ANKS6: variants seen among roughly 807,000 people sequenced by gnomAD.
The protein encoded by ANKS6 is ankyrin repeat and sterile alpha motif domain containing 6.
A neutral mutation model predicts 77.9 loss-of-function variants in ANKS6; 47 were observed. The observed-to-expected ratio is 0.60, with a 90% CI of 0.48 to 0.77. The LOEUF (loss-of-function observed/expected upper bound fraction) is 0.77. Among genes scored for constraint, ANKS6 ranks in the 30% least tolerant of loss-of-function variants. The pLI, the probability that ANKS6 is intolerant of heterozygous loss-of-function variation, is 0.00. For synonymous variants in ANKS6, 488 were observed against 501.7 expected (o/e 0.97, Z 0.37); for missense variants, 1,150 against 1,159.1 (o/e 0.99, Z 0.11).
chr9:98,765,848 C>A (rs1412910127), intron 11 of ANKS6, among the ~76,000 whole-genome samples: 3 of 152,128 alleles, frequency 2.0e-5, no homozygotes, highest in Non-Finnish European at 4.4e-5. Context: ...AGTACAAAAA[C>A]CAGATTGAGG....
rs913287459 is a variant in ANKS6 at position 98,791,301 on chromosome 9, A to C, written c.360-695T>G. 6.6e-6 allele frequency among the ~76,000 whole-genome samples: 1 copy of C among 152,228 alleles called. No homozygotes were observed. The highest frequency in any genetic ancestry group is 1.5e-5 in the Non-Finnish European group (1 of 68,034). ...CAAGAGGTGTGGCAAGGTTGTGGTCAGCAGATAGGCTGGGCATTGCGGCCT... is the reference window on the plus strand; with the variant it reads ...CAAGAGGTGTGGCAAGGTTGTGGTCCGCAGATAGGCTGGGCATTGCGGCCT... On this transcript the variant is annotated intron_variant, in intron 1 of 14. Coordinates refer to ENST00000353234, the MANE Select transcript of ANKS6 (RefSeq NM_173551.5). The surrounding 1 kb of genome is among the most constrained non-coding windows in gnomAD (Gnocchi z 4.3).
rs1016787862 is a variant in ANKS6, at chr9:98,734,048, A to G, written c.*2471T>C. 2.9e-5 allele frequency: 29 copies of G among 985,414 alleles called. No homozygotes were observed. The Admixed American group carries it at 1.0e-3, about 35-fold the overall frequency. 61.0% of individuals were successfully genotyped at this position (985,414 alleles called of 1,614,324 possible). On this transcript the variant is annotated 3_prime_UTR_variant, in exon 15 of 15. Transcript: ENST00000353234. ...ACTGACCCCTCCTCCCTGACGATCTATAACCTACATGTTCCGTGCTGCCTC... is the reference window on the plus strand; with the variant it reads ...ACTGACCCCTCCTCCCTGACGATCTGTAACCTACATGTTCCGTGCTGCCTC...
chr9:98,790,756 G>T, intron 1 of ANKS6, 150 bp from the exon 2 acceptor site: 2 of 1,097,124 alleles, frequency 1.8e-6, no homozygotes, highest in Non-Finnish European at 2.6e-6. Flanking sequence ...CAGCCACATG[G>T]ATGCAGATGC....
intron 1 of ANKS6, among the ~76,000 whole-genome samples, 167 bp from the exon 2 acceptor site, chr9:98,790,773 A>G (rs2118179151): frequency 6.6e-6 from 1 of 152,370 alleles, no homozygotes; most frequent in East Asian, 1.9e-4. Flanking sequence ...ATGCATCATC[A>G]TGAAGGTGAG....
intron 12 of ANKS6, among the ~76,000 whole-genome samples, chr9:98,752,850 A>G (rs998006404): frequency 6.6e-6 from 1 of 152,210 alleles, no homozygotes; most frequent in Non-Finnish European, 1.5e-5. Context: ...ATGTGGGGAC[A>G]GAGAGAACAG....
At chr9:98,741,670 T>C (rs535892533) in intron 14 of ANKS6, among the ~76,000 whole-genome samples, 2 of 152,286 alleles carry the variant, frequency 1.3e-5, no homozygotes, top group South Asian at 2.1e-4. Flanking sequence ...CTCCAATATA[T>C]AACTCATCCG....
chr9:98,756,710 AT>A lies in ANKS6; in HGVS notation c.2143-108del, dbSNP rs937756780. ...CATGGGTGGTATTTGATTCAACATGATGTTTAACCAAGACTATGAAATCTAC... is the reference window on the plus strand; with the variant it reads ...CATGGGTGGTATTTGATTCAACATGAGTTTAACCAAGACTATGAAATCTAC... On this transcript the variant is annotated intron_variant, in intron 11 of 14. Transcript: ENST00000353234. 1.4e-5 allele frequency: 13 copies of A among 926,792 alleles called. No individual in the cohort carries two copies. The South Asian group carries it at 3.3e-4, about 23-fold the overall frequency. The allele number at this position is 926,792 out of a possible 1,614,324, so 57.4% of individuals were successfully genotyped here.
At chr9:98,757,574 A>G (rs867361672) in intron 11 of ANKS6, among the ~76,000 whole-genome samples, 3 of 152,180 alleles carry the variant, frequency 2.0e-5, no homozygotes, top group African/African-American at 4.8e-5. Flanking sequence ...GGTAACCTTC[A>G]TCACTTACAT....
intron 12 of ANKS6, 75 bp downstream of exon 12, chr9:98,756,345 C>A: frequency 6.6e-7 from 1 of 1,507,766 alleles, no homozygotes; most frequent in South Asian, 1.3e-5. Context: ...CAATTAAGGT[C>A]ACCTTGCAGT....
In ANKS6 at chr9:98,756,395, G is replaced by T. The variant is rs692824; in HGVS notation, c.2326+25C>A. The T allele has an allele frequency of 0.039, 62,990 of 1,605,144 alleles. 3,354 individuals carry two copies. Among genetic ancestry groups the T allele is most frequent in the East Asian group, 0.26 (11,487 of 44,376 alleles). On this transcript the variant is annotated intron_variant, in intron 12 of 14. Transcript: ENST00000353234. Reference sequence around the variant, plus strand: ...TCATCATGGTGAGAGGAATAGGTGGGGTTTCAGGCCCTCAGGGGACTCACC... The same window carrying T: ...TCATCATGGTGAGAGGAATAGGTGGTGTTTCAGGCCCTCAGGGGACTCACC...
intron 1 of ANKS6, among the ~76,000 whole-genome samples, chr9:98,790,905 C>T (rs1312290852): frequency 6.6e-6 from 1 of 152,190 alleles, no homozygotes; most frequent in African/African-American, 2.4e-5. Flanking sequence ...ATAACTGTAC[C>T]TACTTCAAGG....
At chr9:98,792,488 C>A (rs1834955063) in intron 1 of ANKS6, among the ~76,000 whole-genome samples, 2 of 152,090 alleles carry the variant, frequency 1.3e-5, no homozygotes, top group Admixed American at 1.3e-4. Context: ...GTCAAACAAG[C>A]CAAGTAAATG....
intron 2 of ANKS6, among the ~76,000 whole-genome samples, chr9:98,786,184 G>A (rs1376544872): frequency 6.6e-6 from 1 of 152,056 alleles, no homozygotes; most frequent in Non-Finnish European, 1.5e-5. Context: ...TTGCCATGTT[G>A]GCCAGGCTGG....
At chr9:98,766,027 G>A (rs1204749312) in intron 11 of ANKS6, among the ~76,000 whole-genome samples, 3 of 152,146 alleles carry the variant, frequency 2.0e-5, no homozygotes, top group African/African-American at 7.2e-5. Context: ...AGATGCTCTG[G>A]CAGGAATAAC....
chr9:98,757,046 C>G (rs1832749492), intron 11 of ANKS6, among the ~76,000 whole-genome samples: 1 of 152,192 alleles, frequency 6.6e-6, no homozygotes. Context: ...ACGTATTCTT[C>G]CCTTTTTCTC....
chr9:98,786,045 C>G (rs1328875838), intron 2 of ANKS6, among the ~76,000 whole-genome samples: 1 of 152,220 alleles, frequency 6.6e-6, no homozygotes, highest in Non-Finnish European at 1.5e-5. Flanking sequence ...GTGGCGTGAT[C>G]TTGGCTCACT....
chr9:98,744,395 G>A (rs1043451520), intron 14 of ANKS6, among the ~76,000 whole-genome samples: 2 of 152,190 alleles, frequency 1.3e-5, no homozygotes, highest in African/African-American at 2.4e-5. Flanking sequence ...TCGGTTTAGC[G>A]TCTCCCTCCA....
chr9:98,776,400 CTTTT>C (rs11320839), intron 8 of ANKS6, among the ~76,000 whole-genome samples: 4 of 138,794 alleles, frequency 2.9e-5, no homozygotes, highest in Admixed American at 7.1e-5. Flanking sequence ...GCCAAAAACC[CTTTT>C]TTTTTTTTTT....
chr9:98,776,969 G>C (rs923667651), intron 8 of ANKS6, among the ~76,000 whole-genome samples: 1 of 152,188 alleles, frequency 6.6e-6, no homozygotes, highest in African/African-American at 2.4e-5. Flanking sequence ...ATTGTTACTT[G>C]GGGATTTTCC....
Sources: gnomAD v4.1 joint callset for allele counts (sites outside exome capture counted in the v4.1 genomes callset) on GRCh38, gnomAD v4.1.1 for gene constraint, Gnocchi (gnomAD v3.1) non-coding constraint, MANE v1.5 for transcripts, NCBI Gene and HGNC (gene_info 2026-07-23, HGNC 2026-07-21) for gene names.